The following OSBPL6 variants were observed in gnomAD, a reference collection of about 807,000 sequenced individuals.
OSBPL6 encodes oxysterol binding protein like 6, also known as oxysterol-binding protein-related protein 6.
OSBPL6 carries 49 observed loss-of-function variants against 125.8 expected under a neutral mutation model. The observed-to-expected ratio is 0.39, with a 90% CI of 0.31 to 0.49. The LOEUF (loss-of-function observed/expected upper bound fraction) is 0.49. Among genes scored for constraint, OSBPL6 ranks in the 20% least tolerant of loss-of-function variants. The pLI is 0.88. For synonymous variants in OSBPL6, 394 were observed against 391.8 expected (o/e 1.01, Z -0.07); for missense variants, 986 against 1,135.4 (o/e 0.87, Z 1.89).
Position 178,312,211 on chromosome 2 carries a change from G to A in OSBPL6, c.102+5925G>A, listed in dbSNP as rs149384308. ...AGTTTCGCTCTTTTTGCCCAGGCTGGAGTGTAATGGCACAATCTCGGCTCA... is the reference window on the plus strand; with the variant it reads ...AGTTTCGCTCTTTTTGCCCAGGCTGAAGTGTAATGGCACAATCTCGGCTCA... On this transcript the variant is annotated intron_variant, in intron 3 of 24. Transcript: ENST00000190611. Among the ~76,000 whole-genome samples the A allele has an allele frequency of 7.4e-3, 1,099 of 149,008 alleles. 13 individuals carry two copies. The highest frequency in any genetic ancestry group is 0.026 in the African/African-American group (1,039 of 40,306).
intron 1 of OSBPL6, among the ~76,000 whole-genome samples, chr2:178,240,282 T>C (rs2091237029): frequency 6.6e-6 from 1 of 152,100 alleles, no homozygotes; most frequent in East Asian, 1.9e-4. Context: ...CAATTAAAAA[T>C]AAGTCTGGGT....
chr2:178,245,513 T>C (rs537193001), intron 1 of OSBPL6, among the ~76,000 whole-genome samples: 54 of 152,272 alleles, frequency 3.5e-4, no homozygotes, highest in African/African-American at 1.2e-3. Flanking sequence ...TTATTCCAAG[T>C]CAGTGTGTGT....
chr2:178,346,059 G>A (rs1690681817), intron 11 of OSBPL6, among the ~76,000 whole-genome samples: 1 of 151,784 alleles, frequency 6.6e-6, no homozygotes, highest in Admixed American at 6.6e-5. Flanking sequence ...AATAACTAGG[G>A]GGACTGGCTA....
chr2:178,366,811 A>G lies in OSBPL6; in HGVS notation c.1287+4996A>G, dbSNP rs189061779. On this transcript the variant is annotated intron_variant, in intron 13 of 24. Transcript: ENST00000190611. ...CCTGAGACTTGGCCAAATTTGTTGT[A>G]TGTGAAGATACTCTTTATAGAATCC... Among the ~76,000 whole-genome samples, 10 of 152,348 alleles carry G rather than the reference A, an allele frequency of 6.6e-5. No individual in the cohort carries two copies. In the East Asian group the frequency reaches 1.9e-3, roughly 29 times the overall value.
intron 2 of OSBPL6, among the ~76,000 whole-genome samples, chr2:178,303,102 G>C (rs768352496): frequency 2.0e-5 from 3 of 152,290 alleles, no homozygotes. Flanking sequence ...TTATTAGAAT[G>C]CCTTCATAAA....
At chr2:178,388,251 T>C (rs569684870) in intron 20 of OSBPL6, among the ~76,000 whole-genome samples, 1 of 152,354 alleles carries the variant, frequency 6.6e-6, no homozygotes, top group East Asian at 1.9e-4. Flanking sequence ...CATCTTAGTA[T>C]GCTCTTCAGT....
chr2:178,245,216 C>T (rs1027552831), intron 1 of OSBPL6, among the ~76,000 whole-genome samples: 16 of 152,300 alleles, frequency 1.1e-4, no homozygotes, highest in South Asian at 2.1e-4. Flanking sequence ...TTTCTCTAGA[C>T]CCAGTGGCCA....
intron 12 of OSBPL6, among the ~76,000 whole-genome samples, chr2:178,353,600 A>G (rs1691492724): frequency 6.6e-6 from 1 of 152,248 alleles, no homozygotes; most frequent in Admixed American, 6.5e-5. Flanking sequence ...GACTATGTGA[A>G]AAGACCAAAT....
At chr2:178,258,465 T>G (rs1253731336) in intron 1 of OSBPL6, among the ~76,000 whole-genome samples, 2 of 152,214 alleles carry the variant, frequency 1.3e-5, no homozygotes, top group East Asian at 3.8e-4. Flanking sequence ...AACAGAATAC[T>G]GTACACCTAT....
chr2:178,349,069 C>T (rs1002409099), intron 11 of OSBPL6, among the ~76,000 whole-genome samples, 155 bp from the exon 12 acceptor site: 1 of 152,172 alleles, frequency 6.6e-6, no homozygotes, highest in African/African-American at 2.4e-5. Flanking sequence ...TCTTCCTACC[C>T]CAACTGCCTG....
chr2:178,237,169 G>C (rs1222714224), intron 1 of OSBPL6, among the ~76,000 whole-genome samples: 1 of 152,106 alleles, frequency 6.6e-6, no homozygotes, highest in Non-Finnish European at 1.5e-5. Flanking sequence ...CTGTACTTAA[G>C]TGAGGATTAC....
At chr2:178,367,847 G>T (rs1298601071) in intron 13 of OSBPL6, among the ~76,000 whole-genome samples, 1 of 152,188 alleles carries the variant, frequency 6.6e-6, no homozygotes, top group Non-Finnish European at 1.5e-5. Context: ...TCTGTGCCCA[G>T]TTCCTGGCTT....
chr2:178,209,970 A>C (rs2153953070), intron 1 of OSBPL6, among the ~76,000 whole-genome samples: 1 of 152,160 alleles, frequency 6.6e-6, no homozygotes, highest in African/African-American at 2.4e-5. Flanking sequence ...CTGAAAAATA[A>C]GACTTTATTA....
At chr2:178,257,858 C>T (rs2091935351) in intron 1 of OSBPL6, among the ~76,000 whole-genome samples, 1 of 151,164 alleles carries the variant, frequency 6.6e-6, no homozygotes, top group African/African-American at 2.4e-5. Flanking sequence ...TGCAGTGGCA[C>T]AATCAGTGCA....
intron 1 of OSBPL6, among the ~76,000 whole-genome samples, chr2:178,222,749 G>T (rs956062332): frequency 2.6e-5 from 4 of 152,132 alleles, no homozygotes; most frequent in African/African-American, 9.7e-5. Context: ...AGTAATATTT[G>T]TACAGGGCAG....
chr2:178,218,270 T>C (rs954922427), intron 1 of OSBPL6, among the ~76,000 whole-genome samples: 3 of 152,192 alleles, frequency 2.0e-5, no homozygotes, highest in African/African-American at 7.2e-5. Flanking sequence ...GTGGTCCATC[T>C]GTAGACAAGT....
At chr2:178,348,579 T>C (rs1325968184) in intron 11 of OSBPL6, among the ~76,000 whole-genome samples, 1 of 152,202 alleles carries the variant, frequency 6.6e-6, no homozygotes, top group Non-Finnish European at 1.5e-5. Context: ...TATTGGCTGG[T>C]TCATGAGCCA....
At chr2:178,349,174 G>A in intron 11 of OSBPL6, 50 bp from the exon 12 acceptor site, 7 of 1,569,044 alleles carry the variant, frequency 4.5e-6, no homozygotes, top group Non-Finnish European at 5.3e-6. Flanking sequence ...GTAGGAGAAT[G>A]TGAAACAATG....
intron 1 of OSBPL6, among the ~76,000 whole-genome samples, chr2:178,249,514 T>A (rs1051881892): frequency 6.6e-6 from 1 of 152,216 alleles, no homozygotes; most frequent in Non-Finnish European, 1.5e-5. Flanking sequence ...GTAAGGGAGT[T>A]ATTGACTCTT....
Sources: gnomAD v4.1 joint callset for allele counts (sites outside exome capture counted in the v4.1 genomes callset) on GRCh38, gnomAD v4.1.1 for gene constraint, MANE v1.5 for transcripts, NCBI Gene and HGNC (gene_info 2026-07-23, HGNC 2026-07-21) for gene names.